The following ZMYM2 variants were observed in gnomAD, a reference collection of about 807,000 sequenced individuals.
ZMYM2 encodes zinc finger MYM-type protein 2.
A neutral mutation model predicts 162.8 loss-of-function variants in ZMYM2; 56 were observed. That is an observed-to-expected ratio of 0.34 (90% CI 0.28 to 0.43). ZMYM2 has a LOEUF of 0.43. Among genes scored for constraint, ZMYM2 ranks in the 20% least tolerant of loss-of-function variants. The probability of loss-of-function intolerance (pLI) is 1.00; values close to 1 mark genes in which losing one functional copy is unlikely to be tolerated. For synonymous variants in ZMYM2, 510 were observed against 541.6 expected (o/e 0.94, Z 0.81); for missense variants, 1,275 against 1,621.8 (o/e 0.79, Z 3.67).
upstream of ZMYM2, among the ~76,000 whole-genome samples, chr13:19,958,252 G>A (rs958051369): frequency 7.9e-5 from 12 of 152,310 alleles, no homozygotes; most frequent in East Asian, 2.1e-3. Flanking sequence ...CAGGGAGGGC[G>A]TTGGGGCATC....
At chr13:19,892,872 G>A in the ZMYM2 span, among the ~76,000 whole-genome samples, 1 of 150,744 alleles carries the variant, frequency 6.6e-6, no homozygotes. Context: ...GCGCCACCGC[G>A]CCCAGCTAAT....
At chr13:19,957,648 C>G (rs891688877), upstream of ZMYM2, among the ~76,000 whole-genome samples, 7 of 152,268 alleles carry the variant, frequency 4.6e-5, no homozygotes, top group Admixed American at 2.0e-4. Flanking sequence ...TGGAGGGAGC[C>G]TCCATGGAGT....
the ZMYM2 span, among the ~76,000 whole-genome samples, chr13:19,906,699 C>T: frequency 1.3e-5 from 2 of 151,800 alleles, no homozygotes; most frequent in Admixed American, 6.6e-5. Flanking sequence ...CTTCAGCCTT[C>T]CAAGGCTGAA....
chr13:19,894,121 A>G, the ZMYM2 span, among the ~76,000 whole-genome samples: 5 of 151,882 alleles, frequency 3.3e-5, no homozygotes, highest in Admixed American at 6.6e-5. Context: ...ACACACACAC[A>G]CTCAGATGCT....
intron 7 of ZMYM2, 125 bp downstream of exon 7, chr13:20,019,743 G>T: frequency 2.5e-6 from 2 of 804,364 alleles, no homozygotes; most frequent in African/African-American, 1.7e-5. Context: ...AACTTAAATT[G>T]TATCAAATGA....
chr13:19,884,058 T>C, the ZMYM2 span, among the ~76,000 whole-genome samples: 97 of 152,286 alleles, frequency 6.4e-4, 1 homozygote, highest in Middle Eastern at 6.8e-3. Flanking sequence ...GGGCGTGGCC[T>C]ATATATAAAA....
intron 2 of ZMYM2, among the ~76,000 whole-genome samples, chr13:19,971,262 A>ATTTTTTTT (rs67460005): frequency 3.8e-5 from 3 of 78,330 alleles, no homozygotes; most frequent in Admixed American, 3.7e-4. Context: ...ATATATATAT[A>ATTTTTTTT]TTTTTTTTTT....
Position 20,005,107 on chromosome 13 carries a change from T to A in ZMYM2, c.1167T>A (p.Ala389=), listed in dbSNP as rs574764222. 6.2e-7 allele frequency: 1 copy of A among 1,607,582 alleles called. No individual in the cohort carries two copies. The highest frequency in any genetic ancestry group is 8.5e-7 in the Non-Finnish European group (1 of 1,177,986). The change falls in exon 5 of 25, where the codon GCT becomes GCA. Residue 389 remains alanine (A), a synonymous_variant. Transcript: ENST00000610343. The part of the protein sequence containing the change: ...DITTMKGTIV[A]QVDSSESFQE... ...CTACAATGAAAGGAACCATTGTTGC[T>A]CAAGTGGATTCAAGTGAGTCCTTCC... is the stretch of plus-strand genomic sequence containing the variant.
intron 5 of ZMYM2, 115 bp from the exon 6 acceptor site, chr13:20,006,256 TTTC>T: frequency 3.8e-6 from 4 of 1,051,666 alleles, no homozygotes; most frequent in Non-Finnish European, 1.3e-6. Flanking sequence ...AAATTTTTTT[TTTC>T]CTTTTCTCCA....
intron 17 of ZMYM2, 136 bp downstream of exon 17, chr13:20,061,360 T>A: frequency 1.3e-6 from 1 of 798,026 alleles, no homozygotes; most frequent in South Asian, 2.8e-5. Context: ...ACAAAAATGT[T>A]TTTTATATTA....
chr13:19,873,311 G>A, the ZMYM2 span, among the ~76,000 whole-genome samples: 6 of 152,096 alleles, frequency 3.9e-5, no homozygotes, highest in African/African-American at 4.8e-5. Context: ...ATGGCCCCTC[G>A]GCCTTTCCCT....
At chr13:19,959,116 G>C (rs1954848983) in intron 1 of ZMYM2, among the ~76,000 whole-genome samples, 1 of 150,398 alleles carries the variant, frequency 6.6e-6, no homozygotes, top group South Asian at 2.1e-4. Context: ...GGAGAGTGCG[G>C]GCGAGGCCGG....
upstream of ZMYM2, among the ~76,000 whole-genome samples, chr13:19,956,532 A>C (rs17074466): frequency 0.051 from 7,729 of 152,284 alleles, 593 homozygotes; most frequent in African/African-American, 0.16. Flanking sequence ...CTAAATTCTC[A>C]ACGAAAAATT....
At chr13:20,044,113 G>A (rs1055110948) in intron 12 of ZMYM2, among the ~76,000 whole-genome samples, 1 of 152,148 alleles carries the variant, frequency 6.6e-6, no homozygotes, top group African/African-American at 2.4e-5. Flanking sequence ...TAGGGTTAAA[G>A]TCTCCTATGG....
chr13:20,022,364 A>C (rs950800266), intron 7 of ZMYM2, among the ~76,000 whole-genome samples: 16 of 152,206 alleles, frequency 1.1e-4, no homozygotes, highest in Admixed American at 3.3e-4. Flanking sequence ...AATACCTCAT[A>C]AGCGGTGTTG....
chr13:19,974,950 T>A (rs1956655096), intron 2 of ZMYM2, among the ~76,000 whole-genome samples: 1 of 152,100 alleles, frequency 6.6e-6, no homozygotes, highest in Non-Finnish European at 1.5e-5. Context: ...AAGAGAAAAT[T>A]GGTGGCCTTT....
chr13:19,971,228 A>ATATGTGTGTG (rs1555278427), intron 2 of ZMYM2, among the ~76,000 whole-genome samples: 1 of 58,938 alleles, frequency 1.7e-5, no homozygotes, highest in Non-Finnish European at 3.1e-5. Context: ...GTTTATATAT[A>ATATGTGTGTG]TGTGTGTGTG....
intron 21 of ZMYM2, among the ~76,000 whole-genome samples, chr13:20,080,787 C>G (rs777920264): frequency 6.6e-6 from 1 of 152,096 alleles, no homozygotes; most frequent in Non-Finnish European, 1.5e-5. Context: ...ACCACTCCCA[C>G]CCCAGTATCT....
chr13:19,994,312 C>G (rs191108362), intron 3 of ZMYM2, among the ~76,000 whole-genome samples: 1 of 152,152 alleles, frequency 6.6e-6, no homozygotes, highest in African/African-American at 2.4e-5. Flanking sequence ...GAGACGCCAT[C>G]TCTAAATTTA....
Sources: gnomAD v4.1 joint callset for allele counts (sites outside exome capture counted in the v4.1 genomes callset) on GRCh38, gnomAD v4.1.1 for gene constraint, MANE v1.5 for transcripts, NCBI Gene and HGNC (gene_info 2026-07-23, HGNC 2026-07-21) for gene names.